Variants in DPP6 observed in about 807,000 individuals in gnomAD.
The protein encoded by DPP6 is A-type potassium channel modulatory protein DPP6.
Under a neutral mutation model 122.6 loss-of-function variants are expected in DPP6, and 69 were observed. The ratio of observed to expected loss-of-function variants is 0.56; its 90% CI spans 0.46 to 0.69. DPP6 has a LOEUF of 0.69. Among genes scored for constraint, DPP6 ranks in the 30% least tolerant of loss-of-function variants. The pLI, the probability that DPP6 is intolerant of heterozygous loss-of-function variation, is 0.00. For missense variants in DPP6, 928 were observed against 1,116.9 expected, an observed-to-expected ratio of 0.83 and a Z score of 2.41; for synonymous variants, 418 against 433.1, an observed-to-expected ratio of 0.97 and a Z score of 0.43.
intron 5 of DPP6, among the ~76,000 whole-genome samples, chr7:154,575,470 GTGTGTGGTGTGTGTGTGGTGTGTGTT>G (rs1423716852): frequency 4.1e-4 from 14 of 34,556 alleles, no homozygotes; most frequent in Non-Finnish European, 6.0e-4. Flanking sequence ...GCGGGTGTAT[GTGTGTGGTGTGTGTGTGGTGTGTGTT>G]TGTGTGGTGT....
chr7:154,573,582 G>C (rs908534100), intron 5 of DPP6, among the ~76,000 whole-genome samples: 6 of 152,118 alleles, frequency 3.9e-5, no homozygotes, highest in Non-Finnish European at 5.9e-5. Context: ...TTTCCTTTGC[G>C]ACCGAATTTA....
Position 154,791,908 on chromosome 7 carries a change from C to A in DPP6, c.1137-2171C>A, listed in dbSNP as rs189372075. On this transcript the variant is annotated intron_variant, in intron 10 of 25. Transcript: ENST00000377770. ...AGAAAGTTTGCATCCATCTCATTTT[C>A]ATTTATAACATTTCACTTCCAAATT... Among the ~76,000 whole-genome samples the A allele has an allele frequency of 1.0e-3, 153 of 152,326 alleles. 1 individual carries two copies. Among genetic ancestry groups the A allele is most frequent in the African/African-American group, 3.6e-3 (148 of 41,570 alleles).
chr7:153,914,769 C>T (rs1301418039), intron 1 of DPP6, among the ~76,000 whole-genome samples: 1 of 152,108 alleles, frequency 6.6e-6, no homozygotes, highest in African/African-American at 2.4e-5. Flanking sequence ...GTTCTTTATT[C>T]CACAGGGCCC....
Position 154,241,794 on chromosome 7 carries a change from T to C in DPP6, c.243+188731T>C, listed in dbSNP as rs78571527. ...ATTGTCTGCCGACCGAAAAAGTTTA[T>C]GTCAAAACTACAGAAAAGAGCCATT... On this transcript the variant is annotated intron_variant, in intron 1 of 25. Coordinates refer to ENST00000377770, the MANE Select transcript of DPP6 (RefSeq NM_130797.4). The surrounding 1 kb of genome is among the most constrained non-coding windows in gnomAD (Gnocchi z 9.0). 0.13 allele frequency among the ~76,000 whole-genome samples: 19,402 copies of C among 152,216 alleles called. 1,547 individuals are homozygous for C. The highest frequency in any genetic ancestry group is 0.18 in the Non-Finnish European group (12,145 of 68,000).
chr7:154,871,003 C>T (rs896575298), intron 18 of DPP6, among the ~76,000 whole-genome samples: 69 of 151,558 alleles, frequency 4.6e-4, no homozygotes, highest in African/African-American at 1.5e-3. Context: ...GTTATCCCAG[C>T]CCAATGGAGA....
intron 1 of DPP6, among the ~76,000 whole-genome samples, chr7:154,227,139 A>G (rs187895984): frequency 6.6e-6 from 1 of 151,970 alleles, no homozygotes; most frequent in East Asian, 1.9e-4. Context: ...GGTTTGCTGT[A>G]GCACTATTCA....
chr7:154,269,270 A>T (rs4626506), intron 1 of DPP6, among the ~76,000 whole-genome samples: 86,518 of 151,554 alleles, frequency 0.57, 25,048 homozygotes, highest in South Asian at 0.68. Context: ...AGTTCCACTT[A>T]AATTGAACTT....
intron 7 of DPP6, among the ~76,000 whole-genome samples, chr7:154,671,780 C>T (rs1365716250): frequency 6.6e-6 from 1 of 152,122 alleles, no homozygotes; most frequent in Non-Finnish European, 1.5e-5. Context: ...CTTGTTTAAC[C>T]TCTTACAGAA....
chr7:154,503,094 T>G (rs1260190016), intron 3 of DPP6, among the ~76,000 whole-genome samples: 1 of 152,230 alleles, frequency 6.6e-6, no homozygotes, highest in Non-Finnish European at 1.5e-5. Context: ...TTCCTCTGTT[T>G]CTGCTCTAGA....
intron 7 of DPP6, among the ~76,000 whole-genome samples, chr7:154,682,246 T>G (rs1839324871): frequency 6.6e-6 from 1 of 152,254 alleles, no homozygotes; most frequent in Non-Finnish European, 1.5e-5. Flanking sequence ...ATGTTTGTTA[T>G]GCTGTGAAAG....
At chr7:154,735,607 A>G (rs1190669117) in intron 8 of DPP6, among the ~76,000 whole-genome samples, 1 of 152,212 alleles carries the variant, frequency 6.6e-6, no homozygotes, top group East Asian at 1.9e-4. Context: ...TAAAGTATTA[A>G]TGATCTTGAC....
At chr7:154,667,005 T>C (rs1838209406) in intron 6 of DPP6, among the ~76,000 whole-genome samples, 1 of 152,158 alleles carries the variant, frequency 6.6e-6, no homozygotes, top group Admixed American at 6.5e-5. Flanking sequence ...TGTCATACTT[T>C]TTTCTTCTTT....
chr7:154,713,967 A>G (rs1169813701), intron 7 of DPP6, among the ~76,000 whole-genome samples: 1 of 152,176 alleles, frequency 6.6e-6, no homozygotes, highest in African/African-American at 2.4e-5. Context: ...TTATTTACAA[A>G]TTTCTTCCTC....
intron 1 of DPP6, among the ~76,000 whole-genome samples, chr7:153,988,865 A>G (rs75191610): frequency 0.068 from 8,821 of 129,904 alleles, 433 homozygotes; most frequent in Middle Eastern, 0.1. Context: ...TAAAAAACGA[A>G]GAGTCAGCGA....
chr7:154,796,025 G>T, intron 12 of DPP6, 142 bp downstream of exon 12: 1 of 1,347,494 alleles, frequency 7.4e-7, no homozygotes, highest in Non-Finnish European at 9.8e-7. Flanking sequence ...CGGCGTGCCG[G>T]CTCCACTCAC....
Position 154,812,101 on chromosome 7 carries a change from T to C in DPP6, c.1666+4989T>C, listed in dbSNP as rs564161624. On this transcript the variant is annotated intron_variant, in intron 16 of 25. Coordinates refer to ENST00000377770, the MANE Select transcript of DPP6 (RefSeq NM_130797.4). ...GTCTGGGCATAGGAAGGGATGATCATCAAAGGATTTAACAACTAGGACAAG... is the reference window on the plus strand; with the variant it reads ...GTCTGGGCATAGGAAGGGATGATCACCAAAGGATTTAACAACTAGGACAAG... Among the ~76,000 whole-genome samples, 18 of 152,294 alleles carry C rather than the reference T, an allele frequency of 1.2e-4. No homozygotes were observed. The South Asian group carries it at 3.7e-3, about 32-fold the overall frequency.
intron 1 of DPP6, among the ~76,000 whole-genome samples, chr7:154,338,385 A>G (rs1013460320): frequency 6.6e-5 from 10 of 152,232 alleles, no homozygotes; most frequent in Non-Finnish European, 2.9e-5. Context: ...AAGCATCAAG[A>G]AAAGAAACGA....
intron 3 of DPP6, 85 bp downstream of exon 3, chr7:154,475,122 C>T (rs1822617344): frequency 3.0e-6 from 3 of 1,013,658 alleles, no homozygotes; most frequent in Non-Finnish European, 4.7e-6. Context: ...TAATTTGCCT[C>T]TCGGATTTCC....
At chr7:153,802,337 T>TG in the DPP6 span, among the ~76,000 whole-genome samples, 2 of 152,208 alleles carry the variant, frequency 1.3e-5, no homozygotes, top group African/African-American at 4.8e-5. Context: ...TGCCTACTGG[T>TG]GGGGAATTCT....
Sources: allele counts gnomAD v4.1 joint callset (sites outside exome capture counted in the v4.1 genomes callset), GRCh38; gene constraint gnomAD v4.1.1; non-coding constraint Gnocchi (gnomAD v3.1); transcripts MANE v1.5; gene names NCBI Gene and HGNC (gene_info 2026-07-23, HGNC 2026-07-21).